Variants in BACH2 observed in about 807,000 individuals in gnomAD.
The protein encoded by BACH2 is BACH transcriptional regulator 2, also known as transcription regulator protein BACH2.
A neutral mutation model predicts 61.8 loss-of-function variants in BACH2; 5 were observed. The observed-to-expected ratio is 0.08, with a 90% confidence interval of 0.04 to 0.17. The LOEUF (loss-of-function observed/expected upper bound fraction) is 0.17. Ranked by LOEUF, BACH2 falls within the 10% of genes least tolerant of loss-of-function variation. The pLI, the probability that BACH2 is intolerant of heterozygous loss-of-function variation, is 1.00. For synonymous variants in BACH2, 446 were observed against 440.1 expected (o/e 1.01, Z -0.17); for missense variants, 824 against 1,091.1 (o/e 0.76, Z 3.45).
intron 6 of BACH2, among the ~76,000 whole-genome samples, chr6:89,973,570 C>A (rs555445356): frequency 5.3e-5 from 8 of 152,294 alleles, no homozygotes; most frequent in Non-Finnish European, 1.0e-4. Context: ...TCAGGACACT[C>A]CCCCACCTCA....
intron 7 of BACH2, among the ~76,000 whole-genome samples, chr6:89,942,463 G>A (rs769948170): frequency 2.0e-5 from 3 of 152,260 alleles, no homozygotes; most frequent in Non-Finnish European, 4.4e-5. Flanking sequence ...AGCCAAACAG[G>A]CCCAGTTGGG....
intron 3 of BACH2, among the ~76,000 whole-genome samples, chr6:90,208,856 T>C (rs1332129200): frequency 6.6e-6 from 1 of 152,150 alleles, no homozygotes; most frequent in Non-Finnish European, 1.5e-5. Flanking sequence ...ATATATACCA[T>C]GGAATGCTAT....
At chr6:90,257,838 C>T (rs536855682) in intron 2 of BACH2, among the ~76,000 whole-genome samples, 1 of 152,104 alleles carries the variant, frequency 6.6e-6, no homozygotes, top group Non-Finnish European at 1.5e-5. Flanking sequence ...TGCAGTGGCG[C>T]CATCTCGGCT....
At chr6:90,166,497 C>T (rs899433874) in intron 4 of BACH2, among the ~76,000 whole-genome samples, 2 of 152,178 alleles carry the variant, frequency 1.3e-5, no homozygotes, top group African/African-American at 2.4e-5. Flanking sequence ...GTCAGTGTGG[C>T]GATTCCTCAG....
intron 5 of BACH2, among the ~76,000 whole-genome samples, chr6:90,028,052 T>C (rs1407738308): frequency 2.0e-5 from 3 of 152,212 alleles, no homozygotes; most frequent in African/African-American, 4.8e-5. Flanking sequence ...AAGAGAATGA[T>C]GGGATAGGTG....
chr6:90,294,558 T>C lies in BACH2; in HGVS notation c.-446+1922A>G, dbSNP rs567645484. Among the ~76,000 whole-genome samples, 3 of 152,330 alleles carry C rather than the reference T, an allele frequency of 2.0e-5. No homozygotes were observed. The South Asian group carries it at 6.2e-4, about 32-fold the overall frequency. On this transcript the variant is annotated intron_variant, in intron 1 of 8. Coordinates refer to ENST00000257749, the MANE Select transcript of BACH2 (RefSeq NM_021813.4). ...ATGGAAATGCTGACAGACCTTTCAGTGGAGCAGTTTGAACGCAACACTGTA... is the reference window on the plus strand; with the variant it reads ...ATGGAAATGCTGACAGACCTTTCAGCGGAGCAGTTTGAACGCAACACTGTA...
chr6:89,996,564 C>A (rs1323222379), intron 6 of BACH2, among the ~76,000 whole-genome samples: 1 of 152,174 alleles, frequency 6.6e-6, no homozygotes, highest in African/African-American at 2.4e-5. Context: ...AAAGATGCCT[C>A]CTCAAAGTCC....
chr6:89,966,611 T>C (rs1310554460), intron 6 of BACH2, among the ~76,000 whole-genome samples: 3 of 152,192 alleles, frequency 2.0e-5, no homozygotes, highest in African/African-American at 7.2e-5. Flanking sequence ...GCTTCTTAAC[T>C]GAGTTTGAAT....
intron 1 of BACH2, among the ~76,000 whole-genome samples, chr6:90,290,530 A>G (rs1467339399): frequency 6.6e-6 from 1 of 152,244 alleles, no homozygotes; most frequent in Non-Finnish European, 1.5e-5. Flanking sequence ...ATTTTGCACT[A>G]TCCACGAGCT....
At chr6:90,011,316 T>C (rs891189083) in intron 5 of BACH2, among the ~76,000 whole-genome samples, 1 of 152,244 alleles carries the variant, frequency 6.6e-6, no homozygotes, top group Non-Finnish European at 1.5e-5. Context: ...CTCTTTTCTC[T>C]CCTGAATTAC....
At chr6:90,068,044 A>G (rs1366749576) in intron 5 of BACH2, among the ~76,000 whole-genome samples, 1 of 152,246 alleles carries the variant, frequency 6.6e-6, no homozygotes, top group African/African-American at 2.4e-5. Flanking sequence ...ATCTCTGTGC[A>G]TTCAGTTTAC....
chr6:90,043,801 C>T (rs970592479), intron 5 of BACH2, among the ~76,000 whole-genome samples: 6 of 152,200 alleles, frequency 3.9e-5, no homozygotes, highest in African/African-American at 1.2e-4. Context: ...TTTCTGACTC[C>T]TGCAGGCACA....
intron 4 of BACH2, among the ~76,000 whole-genome samples, chr6:90,103,860 AT>A (rs1364831912): frequency 1.3e-5 from 2 of 152,210 alleles, no homozygotes; most frequent in Non-Finnish European, 2.9e-5. Context: ...CTGACTGGAT[AT>A]TTTGATTGTT....
intron 4 of BACH2, among the ~76,000 whole-genome samples, chr6:90,125,410 T>G (rs570248491): frequency 3.9e-5 from 6 of 152,324 alleles, no homozygotes; most frequent in African/African-American, 1.4e-4. Context: ...AAAACCTTCT[T>G]GGTTAACCCT....
intron 4 of BACH2, among the ~76,000 whole-genome samples, chr6:90,158,705 T>A (rs905395936): frequency 1.4e-5 from 2 of 146,800 alleles, no homozygotes; most frequent in Admixed American, 6.8e-5. Context: ...CCTCTCCTAT[T>A]CTAGGGAGGT....
At chr6:89,997,223 A>G (rs79786487) in intron 6 of BACH2, among the ~76,000 whole-genome samples, 2 of 152,190 alleles carry the variant, frequency 1.3e-5, no homozygotes, top group East Asian at 1.9e-4. Flanking sequence ...GGAGGAATGG[A>G]AAGACTTTGT....
At chr6:90,096,583 C>T (rs904719207) in intron 4 of BACH2, among the ~76,000 whole-genome samples, 4 of 152,222 alleles carry the variant, frequency 2.6e-5, no homozygotes, top group African/African-American at 9.6e-5. Context: ...AATGGCTACA[C>T]CAATACATGA....
chr6:90,084,989 T>G (rs1043576227), intron 5 of BACH2, among the ~76,000 whole-genome samples: 1 of 152,048 alleles, frequency 6.6e-6, no homozygotes, highest in Non-Finnish European at 1.5e-5. Flanking sequence ...CATAAAACTG[T>G]TGATTGTTCT....
chr6:90,295,723 T>A (rs1772333951), intron 1 of BACH2, among the ~76,000 whole-genome samples: 2 of 150,890 alleles, frequency 1.3e-5, no homozygotes, highest in South Asian at 2.1e-4. Flanking sequence ...GGAGAGGAGG[T>A]GCAAGGTTTC....
Sources: allele counts gnomAD v4.1 joint callset (sites outside exome capture counted in the v4.1 genomes callset), GRCh38; gene constraint gnomAD v4.1.1; transcripts MANE v1.5; gene names NCBI Gene and HGNC (gene_info 2026-07-23, HGNC 2026-07-21).